Variants in NXF1 observed in about 807,000 individuals in gnomAD.
NXF1 encodes nuclear RNA export factor 1.
A neutral mutation model predicts 92.4 loss-of-function variants in NXF1; 43 were observed. That is an observed-to-expected ratio of 0.47 (90% CI 0.36 to 0.60). The LOEUF is 0.60. Among genes scored for constraint, NXF1 ranks in the 20% least tolerant of loss-of-function variants. The probability of loss-of-function intolerance (pLI) is 0.00; values close to 1 mark genes in which losing one functional copy is unlikely to be tolerated. For missense variants in NXF1, 576 were observed against 793.0 expected (o/e 0.73, Z 3.29); for synonymous variants, 288 against 292.2 (o/e 0.99, Z 0.15).
intron 10 of NXF1, chr11:62,799,270 G>T: frequency 3.0e-6 from 3 of 985,590 alleles, no homozygotes; most frequent in South Asian, 4.7e-5. Context: ...TCTTTCAGCT[G>T]CCCCATCCCT....
chr11:62,799,592 G>A (rs1400609006), intron 10 of NXF1: 2 of 985,764 alleles, frequency 2.0e-6, no homozygotes, highest in Non-Finnish European at 2.4e-6. Flanking sequence ...CCATCCACCG[G>A]GGCCAAACAG....
At chr11:62,797,129 C>T (rs563004295) in intron 13 of NXF1, 54 bp downstream of exon 13, 4 of 1,490,818 alleles carry the variant, frequency 2.7e-6, no homozygotes, top group Non-Finnish European at 2.8e-6. Flanking sequence ...CCTGGGTCTG[C>T]CCACCATTCC....
chr11:62,795,036 G>A (rs2084406172), intron 17 of NXF1, 29 bp from the exon 18 acceptor site: 1 of 1,601,778 alleles, frequency 6.2e-7, no homozygotes, highest in African/African-American at 1.3e-5. Flanking sequence ...CAACACCTTA[G>A]GGTCACTAGT....
rs372417047 is a variant in NXF1, at chr11:62,796,075, G to A, written c.1452C>T (p.Ser484=). The A allele has an allele frequency of 2.9e-5, 47 of 1,613,496 alleles. No homozygotes were observed. Among genetic ancestry groups the A allele is most frequent in the African/African-American group, 1.7e-4 (13 of 74,756 alleles). Residue 484 remains serine, a synonymous_variant, in exon 16 of 21, where the codon AGC becomes AGT. Coordinates refer to ENST00000294172, the MANE Select transcript of NXF1 (RefSeq NM_006362.5). ...GCAAGCAGGAGCTTACTGTCTGGGC[G>A]CTTATGTCTACCACGAAGGAATTGA... The part of the protein sequence containing the change: ...HDVNSFVVDI[S]AQTSTLLCFS...
Position 62,805,387 on chromosome 11 carries a change from C to T in NXF1, c.-31G>A. 1 of 1,610,370 alleles carries T rather than the reference C, an allele frequency of 6.2e-7. No individual in the cohort carries two copies. The highest frequency in any genetic ancestry group is 2.2e-5 in the East Asian group (1 of 44,686). On this transcript the variant is annotated 5_prime_UTR_variant, in exon 1 of 21. Coordinates refer to ENST00000294172, the MANE Select transcript of NXF1 (RefSeq NM_006362.5). ...AGCGAAGATCAAGGGCGGGCTCAGG[C>T]GCTGGCCGCTACGCCGGCAAACAAC...
chr11:62,800,164 CAGAT>C, intron 10 of NXF1: 5 of 1,398,298 alleles, frequency 3.6e-6, no homozygotes, highest in Non-Finnish European at 4.6e-6. Context: ...ACCCAGCAAA[CAGAT>C]AGTCAAGTCA....
Position 62,795,881 on chromosome 11 carries a change from G to A in NXF1, c.1504+20C>T, listed in dbSNP as rs539465. 1 allele frequency: 1,603,527 copies of A among 1,611,526 alleles called. 798,049 individuals carry two copies. Among genetic ancestry groups the A allele is most frequent in the East Asian group, 1 (44,866 of 44,866 alleles). ...GGGGGTGGGACCACGCTACAAACTC[G>A]GGACTCTAAAGATTCTTACCTTCCT... On this transcript the variant is annotated intron_variant, in intron 17 of 20. Transcript: ENST00000294172.
chr11:62,794,998 T>C lies in NXF1; in HGVS notation c.1514A>G (p.Lys505Arg). The stretch of plus-strand genomic sequence containing the variant: ...GAAGGCTCGCAAAGAATCCCGGGAC[T>C]TTCCGTCCACTGCAATAAGAACAGC... Reference protein sequence around the residue: ...VNGVFKEVDGKSRDSLRAFTR... With the variant: ...VNGVFKEVDGRSRDSLRAFTR... The change falls in exon 18 of 21, where the codon AAG becomes AGG. Residue 505 changes from lysine (K) to arginine (R), a missense_variant. Physicochemically the swap from Lys to Arg is conservative, Grantham distance 26. This residue lies in a region of NXF1 where 425 missense variants were observed against 635.2 expected (regional missense o/e 0.67). Coordinates refer to ENST00000294172, the MANE Select transcript of NXF1 (RefSeq NM_006362.5). 1 of 1,614,120 alleles carries C rather than the reference T, an allele frequency of 6.2e-7. No individual in the cohort carries two copies. Among genetic ancestry groups the C allele is most frequent in the Non-Finnish European group, 8.5e-7 (1 of 1,179,932 alleles).
rs962214400 is a variant in NXF1, at chr11:62,799,346, G to A, written c.1017-771C>T. 28 of 985,784 alleles carry A rather than the reference G, an allele frequency of 2.8e-5. No individual in the cohort carries two copies. The African/African-American group carries it at 4.9e-4, about 17-fold the overall frequency. The allele number at this position is 985,784 out of a possible 1,614,324, so 61.1% of individuals were successfully genotyped here. ...TGAGTGGGCACTTGCTGTTGGCCAG[G>A]TCTCTGTCTGCTACCTGGGTCCCGA... On this transcript the variant is annotated intron_variant, in intron 10 of 20. Coordinates refer to ENST00000294172, the MANE Select transcript of NXF1 (RefSeq NM_006362.5).
chr11:62,794,171 AAAAAC>A (rs1038197190), intron 19 of NXF1, 82 bp downstream of exon 19: 2 of 1,364,918 alleles, frequency 1.5e-6, no homozygotes, highest in African/African-American at 1.5e-5. Flanking sequence ...TCTCCAAAAA[AAAAAC>A]AAAAAAACTG....
Position 62,800,406 on chromosome 11 carries a change from G to A in NXF1, c.987C>T (p.Asp329=). 1 of 1,614,068 alleles carries A rather than the reference G, an allele frequency of 6.2e-7. No homozygotes were observed. The highest frequency in any genetic ancestry group is 8.5e-7 in the Non-Finnish European group (1 of 1,179,996). Residue 329 remains aspartate, a synonymous_variant, in exon 10 of 21, where the codon GAC becomes GAT. Transcript: ENST00000294172. ...TGTAGGTGGACTGGTCTCGGAAGGT[G>A]TCACACAGGGAGTTTCCATCGAGCC... ...ELWLDGNSLC[D]TFRDQSTYIS... is the part of the protein sequence containing the mutation.
At position 62,802,268 on chromosome 11, in the gene NXF1, TGA is replaced by T; in HGVS notation, c.370-10_370-9del. ...CTTTCTGCCATAAGGAATCTAGAAA[TGA>T]GAGAAAGAGAAAAGAAGGGAATGAT... On this transcript the variant is annotated splice_polypyrimidine_tract_variant and intron_variant, in intron 3 of 20. Coordinates refer to ENST00000294172, the MANE Select transcript of NXF1 (RefSeq NM_006362.5). 1.2e-6 allele frequency: 2 copies of T among 1,612,032 alleles called. No individual in the cohort carries two copies. The highest frequency in any genetic ancestry group is 1.7e-6 in the Non-Finnish European group (2 of 1,178,310).
chr11:62,797,008 C>T, intron 13 of NXF1, 175 bp downstream of exon 13: 1 of 608,756 alleles, frequency 1.6e-6, no homozygotes, highest in Non-Finnish European at 2.8e-6. Flanking sequence ...GCAGAGGTTG[C>T]AGTGAGCCAA....
At chr11:62,797,066 CAAAAA>C (rs1160921166) in intron 13 of NXF1, 112 bp downstream of exon 13, 43 of 616,468 alleles carry the variant, frequency 7.0e-5, no homozygotes, top group East Asian at 4.2e-4. Flanking sequence ...AGACACTGTC[CAAAAA>C]AAAAAAAAAA....
chr11:62,793,819 T>TAAAAAAA (rs56389050), intron 19 of NXF1, among the ~76,000 whole-genome samples: 185 of 86,250 alleles, frequency 2.1e-3, no homozygotes, highest in African/African-American at 2.3e-3. Flanking sequence ...CCGTCTCTAC[T>TAAAAAAA]AAAAAAAAAA....
At chr11:62,794,213 G>GCCCTACTTC (rs747186468) in intron 19 of NXF1, 45 bp downstream of exon 19, 56 of 1,557,262 alleles carry the variant, frequency 3.6e-5, no homozygotes, top group Non-Finnish European at 4.3e-5. Flanking sequence ...TTTACTACTA[G>GCCCTACTTC]CCCTACTTCA....
At chr11:62,800,072 A>G in intron 10 of NXF1, 2 of 1,228,918 alleles carry the variant, frequency 1.6e-6, no homozygotes, top group Non-Finnish European at 2.0e-6. Context: ...TTAGAGTAGA[A>G]AGGGGAGATG....
rs766180329 is a variant in NXF1 at position 62,805,408 on chromosome 11, A to G, written c.-52T>C. The stretch of plus-strand genomic sequence containing the variant: ...CAGGCGCTGGCCGCTACGCCGGCAA[A>G]CAACCTAACTCCCAAGCGCTCAGGA... On this transcript the variant is annotated 5_prime_UTR_variant, in exon 1 of 21. Transcript: ENST00000294172. 2 of 1,606,792 alleles carry G rather than the reference A, an allele frequency of 1.2e-6. No individual in the cohort carries two copies. Among genetic ancestry groups the G allele is most frequent in the South Asian group, 2.2e-5 (2 of 89,530 alleles).
At position 62,803,382 on chromosome 11, in the gene NXF1, A is replaced by C. The variant is rs1405098503; in HGVS notation, c.369+37T>G. The C allele has an allele frequency of 2.5e-6, 4 of 1,573,994 alleles. No homozygotes were observed. The African/African-American group carries it at 4.1e-5, about 16-fold the overall frequency. On this transcript the variant is annotated intron_variant, in intron 3 of 20. Coordinates refer to ENST00000294172, the MANE Select transcript of NXF1 (RefSeq NM_006362.5). ...ATCTCCACTCTCAGCGTGGCCTCCT[A>C]TCTCTACTGTACCATCTACTTTCTC... is the stretch of plus-strand genomic sequence containing the variant.
Sources: allele counts gnomAD v4.1 joint callset (sites outside exome capture counted in the v4.1 genomes callset), GRCh38; gene constraint gnomAD v4.1.1; regional missense constraint gnomAD v4.1.1; transcripts MANE v1.5; gene names NCBI Gene and HGNC (gene_info 2026-07-23, HGNC 2026-07-21).